Variants in RIT2 observed in about 807,000 individuals in gnomAD.
RIT2 encodes Ras like without CAAX 2, also known as GTP-binding protein Rit2.
In RIT2, 24 loss-of-function variants were observed where a neutral mutation model predicts 23.7. The observed-to-expected ratio is 1.01, with a 90% confidence interval of 0.73 to 1.43. RIT2 has a LOEUF of 1.43. Among genes scored for constraint, RIT2 ranks in the 40% most tolerant of loss-of-function variants. The pLI is 0.00. For synonymous variants in RIT2, 107 were observed against 91.1 expected (o/e 1.17, Z -0.99); for missense variants, 236 against 266.9 (o/e 0.88, Z 0.81).
At chr18:42,971,112 T>C (rs1430287078) in intron 3 of RIT2, among the ~76,000 whole-genome samples, 2 of 152,024 alleles carry the variant, frequency 1.3e-5, no homozygotes, top group African/African-American at 4.8e-5. Context: ...ACTTCCTGGA[T>C]TTGTTGTAAG....
chr18:42,989,103 T>C (rs1254063861), intron 2 of RIT2, among the ~76,000 whole-genome samples: 1 of 152,198 alleles, frequency 6.6e-6, no homozygotes, highest in Non-Finnish European at 1.5e-5. Context: ...AGGCTTGCCT[T>C]TGTGAAGTTG....
intron 4 of RIT2, among the ~76,000 whole-genome samples, chr18:42,871,873 A>G (rs916479961): frequency 1.3e-5 from 2 of 152,220 alleles, no homozygotes; most frequent in Non-Finnish European, 2.9e-5. Flanking sequence ...ACTTATTTCA[A>G]ATGATCTGGG....
At chr18:42,945,687 C>T (rs1019926070) in intron 3 of RIT2, among the ~76,000 whole-genome samples, 1 of 152,050 alleles carries the variant, frequency 6.6e-6, no homozygotes, top group Non-Finnish European at 1.5e-5. Context: ...AATTTCTGTT[C>T]TCTTATCCTT....
chr18:43,001,184 A>G (rs1045127638), intron 2 of RIT2, among the ~76,000 whole-genome samples: 8 of 152,110 alleles, frequency 5.3e-5, no homozygotes, highest in Admixed American at 3.3e-4. Context: ...TCATTTTTGG[A>G]TTTGAAGCCT....
intron 4 of RIT2, among the ~76,000 whole-genome samples, chr18:42,890,635 G>A (rs1908146685): frequency 6.6e-6 from 1 of 151,934 alleles, no homozygotes; most frequent in Non-Finnish European, 1.5e-5. Flanking sequence ...GACGTTCTAA[G>A]AGCCAACAAA....
intron 1 of RIT2, 61 bp downstream of exon 1, chr18:43,115,356 A>G: frequency 6.3e-7 from 1 of 1,583,296 alleles, no homozygotes; most frequent in Non-Finnish European, 8.6e-7. Flanking sequence ...TTTTTCTTTC[A>G]CTCTATAGAG....
At chr18:43,056,098 G>A (rs1383017804) in intron 1 of RIT2, among the ~76,000 whole-genome samples, 1 of 152,030 alleles carries the variant, frequency 6.6e-6, no homozygotes, top group African/African-American at 2.4e-5. Context: ...AAATAAGTGA[G>A]GGCATATAAA....
At chr18:43,052,798 T>G (rs571863249) in intron 1 of RIT2, among the ~76,000 whole-genome samples, 1 of 152,182 alleles carries the variant, frequency 6.6e-6, no homozygotes, top group South Asian at 2.1e-4. Flanking sequence ...TCTCACACTC[T>G]AATAATATAC....
chr18:42,958,945 A>G (rs1174892236), intron 3 of RIT2, among the ~76,000 whole-genome samples: 1 of 152,140 alleles, frequency 6.6e-6, no homozygotes, highest in Non-Finnish European at 1.5e-5. Flanking sequence ...CATGCCAACA[A>G]TAGTTTTTAT....
chr18:42,866,360 A>G (rs1907469713), intron 4 of RIT2, among the ~76,000 whole-genome samples: 1 of 152,208 alleles, frequency 6.6e-6, no homozygotes, highest in Admixed American at 6.5e-5. Context: ...TCTCTCACAG[A>G]CAAGTGGTCT....
chr18:42,796,130 A>C (rs368744619), intron 4 of RIT2, among the ~76,000 whole-genome samples: 38 of 152,206 alleles, frequency 2.5e-4, no homozygotes, highest in African/African-American at 9.1e-4. Context: ...AAATCTTGCT[A>C]CTGCTCACTC....
chr18:42,788,187 C>A (rs1322754772), intron 4 of RIT2, among the ~76,000 whole-genome samples: 1 of 151,976 alleles, frequency 6.6e-6, no homozygotes, highest in African/African-American at 2.4e-5. Context: ...TGGTTTAATA[C>A]AAAACAGCTA....
In RIT2 at chr18:42,743,554, TTTCTC is replaced by T. The variant is rs1472673491; in HGVS notation, c.588_592del (p.Lys198GlnfsTer60). ...TTTGAGCTTCTTCCACAGGCTGTCT[TTTCTC>T]TTCAGTTTCTTTTCCATCAAGGATG... On this transcript the variant is annotated frameshift_variant, in exon 5 of 5. Coordinates refer to ENST00000326695, the MANE Select transcript of RIT2 (RefSeq NM_002930.4). LOFTEE classifies it high-confidence loss of function. 5 of 1,613,982 alleles carry T rather than the reference TTTCTC, an allele frequency of 3.1e-6. No individual in the cohort carries two copies. Among genetic ancestry groups the T allele is most frequent in the African/African-American group, 2.7e-5 (2 of 74,920 alleles).
intron 2 of RIT2, among the ~76,000 whole-genome samples, chr18:43,024,422 C>G (rs1911663149): frequency 6.6e-6 from 1 of 151,898 alleles, no homozygotes; most frequent in African/African-American, 2.4e-5. Context: ...GGATTAGAGA[C>G]TTAAATGTAA....
intron 2 of RIT2, among the ~76,000 whole-genome samples, chr18:43,005,557 C>T (rs1344308140): frequency 1.3e-5 from 2 of 151,634 alleles, no homozygotes; most frequent in African/African-American, 4.8e-5. Context: ...GACAGCATTG[C>T]CCAAATTTTT....
chr18:42,992,266 C>T (rs1910869515), intron 2 of RIT2, among the ~76,000 whole-genome samples: 1 of 152,158 alleles, frequency 6.6e-6, no homozygotes, highest in African/African-American at 2.4e-5. Flanking sequence ...GACCCCAATA[C>T]AAACTTGATA....
chr18:42,976,553 A>C (rs1232749032), intron 2 of RIT2, among the ~76,000 whole-genome samples: 1 of 152,104 alleles, frequency 6.6e-6, no homozygotes, highest in African/African-American at 2.4e-5. Flanking sequence ...TCTCATTTGT[A>C]AAGGTAACAA....
At chr18:42,941,641 A>G (rs539888644) in intron 3 of RIT2, among the ~76,000 whole-genome samples, 1 of 152,218 alleles carries the variant, frequency 6.6e-6, no homozygotes, top group South Asian at 2.1e-4. Context: ...AATCACATCA[A>G]TTTTCTATGG....
At chr18:43,024,302 G>A (rs1415673812) in intron 2 of RIT2, among the ~76,000 whole-genome samples, 2 of 152,014 alleles carry the variant, frequency 1.3e-5, no homozygotes, top group African/African-American at 4.8e-5. Flanking sequence ...AACATACACT[G>A]GAGAAAGGAC....
Sources: gnomAD v4.1 joint callset for allele counts (sites outside exome capture counted in the v4.1 genomes callset) on GRCh38, gnomAD v4.1.1 for gene constraint, MANE v1.5 for transcripts, NCBI Gene and HGNC (gene_info 2026-07-23, HGNC 2026-07-21) for gene names.